Variants in NAPEPLD observed in about 807,000 individuals in gnomAD.
The protein encoded by NAPEPLD is N-acyl phosphatidylethanolamine phospholipase D.
Under a neutral mutation model 38.1 loss-of-function variants are expected in NAPEPLD, and 23 were observed. The observed-to-expected ratio is 0.60, with a 90% CI of 0.43 to 0.86. The LOEUF is 0.86. Ranked by LOEUF, NAPEPLD falls within the 40% of genes least tolerant of loss-of-function variation. The pLI is 0.00. For missense variants in NAPEPLD, 411 were observed against 476.8 expected (o/e 0.86, Z 1.28); for synonymous variants, 147 against 162.0 (o/e 0.91, Z 0.71).
At chr7:103,141,029 A>G (rs914111414) in intron 1 of NAPEPLD, among the ~76,000 whole-genome samples, 10 of 152,126 alleles carry the variant, frequency 6.6e-5, no homozygotes, top group Admixed American at 2.0e-4. Flanking sequence ...AAAGCATTTC[A>G]GTATTCTTGC....
intron 1 of NAPEPLD, among the ~76,000 whole-genome samples, chr7:103,146,771 G>C (rs75617508): frequency 6.6e-6 from 1 of 152,040 alleles, no homozygotes; most frequent in African/African-American, 2.4e-5. Flanking sequence ...TTGGAACCCC[G>C]CTGTAACAAG....
intron 4 of NAPEPLD, among the ~76,000 whole-genome samples, chr7:103,111,166 T>G (rs747347592): frequency 6.6e-5 from 10 of 152,134 alleles, no homozygotes; most frequent in Non-Finnish European, 1.0e-4. Flanking sequence ...ATCAATATTG[T>G]GAAAATGCTC....
At chr7:103,105,098 C>T (rs913452374) in intron 4 of NAPEPLD, among the ~76,000 whole-genome samples, 2 of 152,150 alleles carry the variant, frequency 1.3e-5, no homozygotes, top group African/African-American at 4.8e-5. Context: ...ACCAATTCTT[C>T]GCTGTTTCAA....
chr7:103,144,269 G>T (rs549131977), intron 1 of NAPEPLD, among the ~76,000 whole-genome samples: 1 of 152,280 alleles, frequency 6.6e-6, no homozygotes, highest in East Asian at 1.9e-4. Context: ...TGGTCTCACT[G>T]ACAAGGCTCA....
At chr7:103,145,763 G>A (rs1382183990) in intron 1 of NAPEPLD, among the ~76,000 whole-genome samples, 2 of 152,102 alleles carry the variant, frequency 1.3e-5, no homozygotes, top group Non-Finnish European at 2.9e-5. Context: ...CTACGTATCA[G>A]CCATGCTGTC....
upstream of NAPEPLD, chr7:103,149,545 AG>A: frequency 8.2e-7 from 1 of 1,219,404 alleles, no homozygotes; most frequent in Non-Finnish European, 1.1e-6. Context: ...CAGCAGGGCC[AG>A]CGGTGGCCTC....
At chr7:103,123,884 G>A (rs1047682720) in intron 2 of NAPEPLD, among the ~76,000 whole-genome samples, 12 of 152,064 alleles carry the variant, frequency 7.9e-5, no homozygotes, top group Non-Finnish European at 1.5e-4. Flanking sequence ...GAAACTTTTG[G>A]GGATAATATA....
chr7:103,128,884 C>A, intron 1 of NAPEPLD, 92 bp from the exon 2 acceptor site: 1 of 1,321,332 alleles, frequency 7.6e-7, no homozygotes, highest in South Asian at 1.5e-5. Context: ...AAAAATTTCT[C>A]TAAACTTATA....
At chr7:103,138,887 C>T (rs1187040541) in intron 1 of NAPEPLD, among the ~76,000 whole-genome samples, 2 of 152,200 alleles carry the variant, frequency 1.3e-5, no homozygotes, top group African/African-American at 2.4e-5. Flanking sequence ...TAACAATCTT[C>T]GGCTGCACCA....
intron 4 of NAPEPLD, among the ~76,000 whole-genome samples, chr7:103,104,593 G>A (rs995629971): frequency 6.6e-6 from 1 of 152,176 alleles, no homozygotes; most frequent in African/African-American, 2.4e-5. Context: ...TATGTTTAAA[G>A]ATAAAGGATA....
intron 3 of NAPEPLD, among the ~76,000 whole-genome samples, chr7:103,117,853 T>C (rs1026280273): frequency 6.6e-6 from 1 of 152,220 alleles, no homozygotes; most frequent in African/African-American, 2.4e-5. Context: ...TGAAAACTTA[T>C]TTTCATAACA....
upstream of NAPEPLD, chr7:103,149,668 C>T: frequency 3.4e-6 from 1 of 293,940 alleles, no homozygotes; most frequent in South Asian, 2.6e-5. Flanking sequence ...CCCGGCCCGC[C>T]TCGCGACTCA....
chr7:103,145,495 T>C (rs921969745), intron 1 of NAPEPLD, among the ~76,000 whole-genome samples: 1 of 152,238 alleles, frequency 6.6e-6, no homozygotes, highest in Non-Finnish European at 1.5e-5. Context: ...ATCTGTGAAA[T>C]GGTGGAAAAG....
chr7:103,119,479 A>C (rs1806187087), intron 3 of NAPEPLD, 98 bp downstream of exon 3: 6 of 1,364,586 alleles, frequency 4.4e-6, no homozygotes, highest in South Asian at 3.0e-5. Flanking sequence ...CACCATTAAA[A>C]TCATAAATTA....
chr7:103,116,351 G>A (rs1406227593), intron 3 of NAPEPLD, among the ~76,000 whole-genome samples: 3 of 152,112 alleles, frequency 2.0e-5, no homozygotes, highest in African/African-American at 7.2e-5. Flanking sequence ...GTGAGCCACC[G>A]CGCCCAGCTG....
upstream of NAPEPLD, chr7:103,149,175 C>T: frequency 3.0e-6 from 3 of 991,314 alleles, no homozygotes; most frequent in South Asian, 9.1e-5. Flanking sequence ...AAAACCGCCT[C>T]CCGCGAGGTC....
chr7:103,132,381 CAGTA>C (rs1222510867), intron 1 of NAPEPLD, among the ~76,000 whole-genome samples: 3 of 152,092 alleles, frequency 2.0e-5, no homozygotes, highest in African/African-American at 7.2e-5. Context: ...GAAGATGAAT[CAGTA>C]AGACTTGAGA....
rs201645773 is a variant in NAPEPLD at position 103,120,061 on chromosome 7, G to A, written c.457C>T (p.Arg153Cys). 9.7e-5 allele frequency: 157 copies of A among 1,614,176 alleles called. 1 individual carries two copies. The highest frequency in any genetic ancestry group is 1.3e-4 in the Non-Finnish European group (153 of 1,180,046). ...IFLTDPIFSSRASPSQYMGPK... is the reference protein window; with the variant it reads ...IFLTDPIFSSCASPSQYMGPK... ...CCCATGTACTGCGATGGTGAAGCAC[G>A]AGAGCTAAAGATGGGATCCGTGAGA... The change falls in exon 3 of 5, where the codon CGT (arginine) becomes TGT (cysteine). Residue 153 changes from arginine to cysteine, a missense_variant. Arg to Cys is a radical substitution (Grantham distance 180). Coordinates refer to ENST00000465647, the MANE Select transcript of NAPEPLD (RefSeq NM_001122838.3).
intron 2 of NAPEPLD, among the ~76,000 whole-genome samples, chr7:103,125,008 TTAA>T (rs1807473512): frequency 6.6e-6 from 1 of 152,198 alleles, no homozygotes; most frequent in Non-Finnish European, 1.5e-5. Flanking sequence ...TTTGTGTGTA[TTAA>T]TGAGACAAAA....
Sources: allele counts gnomAD v4.1 joint callset (sites outside exome capture counted in the v4.1 genomes callset), GRCh38; gene constraint gnomAD v4.1.1; transcripts MANE v1.5; gene names NCBI Gene and HGNC (gene_info 2026-07-23, HGNC 2026-07-21).